TCF3: variants seen among roughly 807,000 people sequenced by gnomAD.
TCF3 encodes the protein transcription factor E2-alpha.
TCF3 carries 54 observed loss-of-function variants against 72.3 expected under a neutral mutation model. The observed-to-expected ratio is 0.75, with a 90% CI of 0.60 to 0.94. TCF3 has a LOEUF of 0.94. TCF3 is among the 40% of genes least tolerant of loss of function. The pLI, the probability that TCF3 is intolerant of heterozygous loss-of-function variation, is 0.00. For missense variants in TCF3, 1,078 were observed against 934.4 expected (o/e 1.15, Z -2.00); for synonymous variants, 525 against 412.6 (o/e 1.27, Z -3.30).
At chr19:1,629,717 TG>T (rs1419104188) in intron 5 of TCF3, among the ~76,000 whole-genome samples, 2 of 152,192 alleles carry the variant, frequency 1.3e-5, no homozygotes, top group Non-Finnish European at 2.9e-5. Context: ...GGGCACGGAA[TG>T]TGACTGGGGC....
chr19:1,650,431 C>A (rs556787504), intron 1 of TCF3, 144 bp from the exon 2 acceptor site: 15 of 608,070 alleles, frequency 2.5e-5, no homozygotes, highest in South Asian at 6.2e-5. Context: ...GCCCTGGGGG[C>A]ACGGGGAGCC....
chr19:1,635,798 C>T (rs1360817097), intron 3 of TCF3, among the ~76,000 whole-genome samples: 5 of 152,272 alleles, frequency 3.3e-5, no homozygotes, highest in Non-Finnish European at 7.4e-5. Context: ...ACAACCCAGT[C>T]CCCAAAAGCA....
chr19:1,632,542 C>A lies in TCF3; in HGVS notation c.146-137G>T, dbSNP rs545377189. 2.1e-3 allele frequency: 1,740 copies of A among 825,288 alleles called. 4 individuals carry two copies. Among genetic ancestry groups the A allele is most frequent in the Non-Finnish European group, 2.8e-3 (1,449 of 523,030 alleles). 51.1% of individuals were successfully genotyped at this position (825,288 alleles called of 1,614,324 possible). A position where few individuals can be genotyped will look rare whatever the true frequency, so the allele number is the denominator to read the frequency against. ...CCCTTCCTAACCCAGCCTCACCCAG[C>A]CCGACTCATGAGGACACCAGTCAGC... On this transcript the variant is annotated intron_variant, in intron 3 of 18. Coordinates refer to ENST00000262965, the MANE Select transcript of TCF3 (RefSeq NM_003200.5).
In TCF3 at chr19:1,652,357, G is replaced by T. The variant is rs2067265817; in HGVS notation, c.-97C>A. 7.0e-6 allele frequency: 1 copy of T among 143,084 alleles called. No individual in the cohort carries two copies. The highest frequency in any genetic ancestry group is 2.5e-5 in the African/African-American group (1 of 39,588). The allele number at this position is 143,084 out of a possible 1,614,324, so 8.9% of individuals were successfully genotyped here. On this transcript the variant is annotated 5_prime_UTR_variant, in exon 1 of 19. Transcript: ENST00000262965. Reference sequence around the variant, plus strand: ...GGGGGGGCGGCGGCATGAAGCGGGGGGGCCCCCCCCCGGACAAAGGTGCGT... The same window carrying T: ...GGGGGGGCGGCGGCATGAAGCGGGGTGGCCCCCCCCCGGACAAAGGTGCGT...
At chr19:1,629,383 G>A (rs1013505960) in intron 5 of TCF3, among the ~76,000 whole-genome samples, 3 of 152,188 alleles carry the variant, frequency 2.0e-5, no homozygotes, top group Non-Finnish European at 4.4e-5. Context: ...TCGCGAATGA[G>A]CACGTGACCT....
chr19:1,652,069 C>T (rs2067194457), intron 1 of TCF3, among the ~76,000 whole-genome samples: 1 of 150,104 alleles, frequency 6.7e-6, no homozygotes, highest in Admixed American at 6.6e-5. Context: ...CCCGGCCCGA[C>T]GGGGGCGACG....
chr19:1,615,342 G>T lies in TCF3; in HGVS notation c.1765C>A (p.Leu589Met), dbSNP rs766477666. 6.2e-7 allele frequency: 1 copy of T among 1,612,846 alleles called. No individual in the cohort carries two copies. Among genetic ancestry groups the T allele is most frequent in the Admixed American group, 1.7e-5 (1 of 59,994 alleles). Residue 589 changes from leucine (L) to methionine (M), a missense_variant, in exon 18 of 19, where the codon CTG (leucine) becomes ATG (methionine). Leu to Met is a conservative substitution (Grantham distance 15). Transcript: ENST00000262965. The surrounding 1 kb of genome is among the most constrained non-coding windows in gnomAD (Gnocchi z 7.3). Reference sequence around the variant, plus strand: ...GAGACAGCCTGGTGCAGGATGAGCAGTTTGGTCTGGGGCTTCTCGCTGTTG... The same window carrying T: ...GAGACAGCCTGGTGCAGGATGAGCATTTTGGTCTGGGGCTTCTCGCTGTTG... Reference protein sequence around the residue: ...HLNSEKPQTKLLILHQAVSVI... With the variant: ...HLNSEKPQTKMLILHQAVSVI...
At position 1,615,162 on chromosome 19, in the gene TCF3, A is replaced by C; in HGVS notation, c.1822+123T>G. The C allele has an allele frequency of 8.3e-7, 1 of 1,205,198 alleles. No individual in the cohort carries two copies. Among genetic ancestry groups the C allele is most frequent in the Non-Finnish European group, 1.1e-6 (1 of 882,962 alleles). 74.7% of individuals were successfully genotyped at this position (1,205,198 alleles called of 1,614,324 possible). A position where few individuals can be genotyped will look rare whatever the true frequency, so the allele number is the denominator to read the frequency against. On this transcript the variant is annotated intron_variant, in intron 18 of 18. Coordinates refer to ENST00000262965, the MANE Select transcript of TCF3 (RefSeq NM_003200.5). The surrounding 1 kb of genome is among the most constrained non-coding windows in gnomAD (Gnocchi z 7.3). ...GAGGGGTGAAGGGCACAGTCACTGC[A>C]AGGAGGCAACTGCTGCAGAGGGAGG...
At chr19:1,648,983 G>A (rs774244516) in intron 2 of TCF3, among the ~76,000 whole-genome samples, 1 of 151,956 alleles carries the variant, frequency 6.6e-6, no homozygotes, top group Non-Finnish European at 1.5e-5. Context: ...CGGTACCCCA[G>A]GGGGCTCCGG....
Position 1,615,139 on chromosome 19 carries a change from G to A in TCF3, c.1822+146C>T. On this transcript the variant is annotated intron_variant, in intron 18 of 18. Transcript: ENST00000262965. This position sits in a 1 kb window ranked among gnomAD's most constrained non-coding sequence, Gnocchi z 7.3. Reference sequence around the variant, plus strand: ...GGACAGTCATGGCAATGCGGTCAGAGGGGTGAAGGGCACAGTCACTGCAAG... The same window carrying A: ...GGACAGTCATGGCAATGCGGTCAGAAGGGTGAAGGGCACAGTCACTGCAAG... 2.1e-6 allele frequency: 2 copies of A among 958,008 alleles called. No individual in the cohort carries two copies. Among genetic ancestry groups the A allele is most frequent in the Middle Eastern group, 3.4e-4 (1 of 2,976 alleles). 59.3% of individuals were successfully genotyped at this position (958,008 alleles called of 1,614,324 possible).
rs776420349 is a variant in TCF3 at position 1,632,099 on chromosome 19, G to A, written c.237C>T (p.Thr79=). Reference sequence around the variant, plus strand: ...GGCTGCTGTGCGACTCAGTGAAGTGGGTGCCCTCGCTGAAGGTCTAGGGGA... The same window carrying A: ...GGCTGCTGTGCGACTCAGTGAAGTGAGTGCCCTCGCTGAAGGTCTAGGGGA... ...FDPSRTFSEG[T]HFTESHSSLS... The change falls in exon 5 of 19, where the codon ACC becomes ACT. Residue 79 remains threonine (T), a synonymous_variant. Coordinates refer to ENST00000262965, the MANE Select transcript of TCF3 (RefSeq NM_003200.5). 2 of 1,613,200 alleles carry A rather than the reference G, an allele frequency of 1.2e-6. No individual in the cohort carries two copies. The highest frequency in any genetic ancestry group is 1.7e-6 in the Non-Finnish European group (2 of 1,179,790).
chr19:1,621,745 C>T (rs1160454435), intron 11 of TCF3, 93 bp downstream of exon 11: 61 of 1,427,966 alleles, frequency 4.3e-5, no homozygotes, highest in East Asian at 7.5e-5. Flanking sequence ...GACGCGCCTG[C>T]GCCTCCCGTG....
chr19:1,622,479 C>T, intron 8 of TCF3, 64 bp from the exon 9 acceptor site: 1 of 917,240 alleles, frequency 1.1e-6, no homozygotes, highest in Non-Finnish European at 1.6e-6. Flanking sequence ...GCCCATGCAC[C>T]TTGCCGGCCT....
rs41275836 is a variant in TCF3 at position 1,611,648 on chromosome 19, G to A, written c.*59C>T. On this transcript the variant is annotated 3_prime_UTR_variant, in exon 19 of 19. Transcript: ENST00000262965. ...ATGAAGCCCGGGGTCTCGAGTGGCC[G>A]TTCTGGGGCCAGAGCACAGGGCTGA... 8.5e-3 allele frequency: 13,326 copies of A among 1,568,080 alleles called. 80 individuals carry two copies. Among genetic ancestry groups the A allele is most frequent in the Non-Finnish European group, 0.01 (11,756 of 1,154,806 alleles).
intron 3 of TCF3, among the ~76,000 whole-genome samples, chr19:1,644,585 C>T (rs1046879874): frequency 6.6e-6 from 1 of 152,224 alleles, no homozygotes; most frequent in African/African-American, 2.4e-5. Flanking sequence ...GAGCACAGGG[C>T]GAGACTCTGT....
In TCF3 at chr19:1,619,723, C is replaced by T. The variant is rs562868464; in HGVS notation, c.1167+57G>A. On this transcript the variant is annotated intron_variant, in intron 14 of 18. Coordinates refer to ENST00000262965, the MANE Select transcript of TCF3 (RefSeq NM_003200.5). ...AAAAAGGTTTCTCCTTCTCAAGGAG[C>T]GTCTGTCCTGCAAATTCTGTCGGGG... 10 of 1,248,490 alleles carry T rather than the reference C, an allele frequency of 8.0e-6. No individual in the cohort carries two copies. The Admixed American group carries it at 1.4e-4, about 17-fold the overall frequency. The allele number at this position is 1,248,490 out of a possible 1,614,324, so 77.3% of individuals were successfully genotyped here. A position where few individuals can be genotyped will look rare whatever the true frequency, so the allele number is the denominator to read the frequency against.
At chr19:1,649,814 C>T (rs2066719916) in intron 2 of TCF3, among the ~76,000 whole-genome samples, 1 of 152,110 alleles carries the variant, frequency 6.6e-6, no homozygotes, top group African/African-American at 2.4e-5. Flanking sequence ...ATTTTTGTAT[C>T]TACAATGAGG....
chr19:1,626,898 G>A (rs1342972005), intron 6 of TCF3, among the ~76,000 whole-genome samples: 1 of 151,984 alleles, frequency 6.6e-6, no homozygotes, highest in Non-Finnish European at 1.5e-5. Context: ...GTCCTGGGGT[G>A]AGGGAGGAAC....
At chr19:1,643,252 G>GC (rs1475616954) in intron 3 of TCF3, among the ~76,000 whole-genome samples, 1 of 152,166 alleles carries the variant, frequency 6.6e-6, no homozygotes, top group African/African-American at 2.4e-5. Context: ...ACAGGGTCTG[G>GC]CTCTGTCACC....
Sources: allele counts gnomAD v4.1 joint callset (sites outside exome capture counted in the v4.1 genomes callset), GRCh38; gene constraint gnomAD v4.1.1; non-coding constraint Gnocchi (gnomAD v3.1); transcripts MANE v1.5; gene names NCBI Gene and HGNC (gene_info 2026-07-23, HGNC 2026-07-21).